DNAJC1: variants seen among roughly 807,000 people sequenced by gnomAD.
DNAJC1 encodes the protein DnaJ heat shock protein family (Hsp40) member C1, also known as dnaJ homolog subfamily C member 1.
Under a neutral mutation model 76.6 loss-of-function variants are expected in DNAJC1, and 58 were observed. That is an observed-to-expected ratio of 0.76 (90% CI 0.61 to 0.94). DNAJC1 has a LOEUF of 0.94. Ranked by LOEUF, DNAJC1 falls within the 40% of genes least tolerant of loss-of-function variation. DNAJC1 has a pLI of 0.00. For missense variants in DNAJC1, 689 were observed against 677.3 expected, an observed-to-expected ratio of 1.02 and a Z score of -0.19; for synonymous variants, 258 against 267.9, an observed-to-expected ratio of 0.96 and a Z score of 0.36.
At chr10:21,779,783 G>A (rs1364952565) in intron 9 of DNAJC1, among the ~76,000 whole-genome samples, 4 of 152,030 alleles carry the variant, frequency 2.6e-5, no homozygotes, top group South Asian at 2.1e-4. Context: ...GGCTTCAGAC[G>A]ATCAAACTTC....
At chr10:21,807,132 T>C (rs1448148250) in intron 8 of DNAJC1, among the ~76,000 whole-genome samples, 1 of 152,124 alleles carries the variant, frequency 6.6e-6, no homozygotes, top group Non-Finnish European at 1.5e-5. Context: ...TTCCTTTAAT[T>C]AAAATGAAAG....
rs751051022 is a variant in DNAJC1 at position 22,003,317 on chromosome 10, C to CCAGCAG, written c.112_117dup (p.Leu38_Leu39dup). On this transcript the variant is annotated inframe_insertion, in exon 1 of 12. Transcript: ENST00000376980. ...CAGCCGCGCGCCGGCGCCACGGCGG[C>CCAGCAG]CAGCAGCAGCAGCAGCAGCCACAGC... The CCAGCAG allele has an allele frequency of 9.3e-5, 141 of 1,517,296 alleles. No individual in the cohort carries two copies. The highest frequency in any genetic ancestry group is 1.1e-4 in the Non-Finnish European group (127 of 1,132,820). The allele number at this position is 1,517,296 out of a possible 1,614,324, so 94.0% of individuals were successfully genotyped here. A position where few individuals can be genotyped will look rare whatever the true frequency, so the allele number is the denominator to read the frequency against.
chr10:21,975,629 C>T (rs2807972), intron 1 of DNAJC1, among the ~76,000 whole-genome samples: 150,752 of 152,166 alleles, frequency 0.99, 74,727 homozygotes, highest in Middle Eastern at 1. Flanking sequence ...CTTAGTGTTT[C>T]ATACTAGCTA....
chr10:21,907,991 A>T (rs1026321396), intron 6 of DNAJC1, among the ~76,000 whole-genome samples: 2 of 115,136 alleles, frequency 1.7e-5, no homozygotes, highest in Admixed American at 2.5e-4. Context: ...TATATGAAAT[A>T]TATATGAAAT....
intron 1 of DNAJC1, among the ~76,000 whole-genome samples, chr10:21,981,391 A>C (rs1838155740): frequency 6.6e-6 from 1 of 152,206 alleles, no homozygotes; most frequent in East Asian, 1.9e-4. Context: ...TTTGCCATGG[A>C]ATTGAGAGCA....
intron 10 of DNAJC1, among the ~76,000 whole-genome samples, chr10:21,763,249 G>A (rs905019876): frequency 7.9e-5 from 12 of 152,084 alleles, no homozygotes; most frequent in Non-Finnish European, 1.3e-4. Flanking sequence ...ACTTTCAAAC[G>A]TCCTTTCTAC....
intron 8 of DNAJC1, among the ~76,000 whole-genome samples, chr10:21,822,926 G>C (rs1355664300): frequency 6.6e-6 from 1 of 150,784 alleles, no homozygotes; most frequent in Admixed American, 6.7e-5. Context: ...ACATAAACCA[G>C]GTGCACAGAA....
At chr10:21,766,226 T>C in intron 10 of DNAJC1, 35 bp downstream of exon 10, 1 of 1,496,084 alleles carries the variant, frequency 6.7e-7, no homozygotes, top group Non-Finnish European at 9.3e-7. Flanking sequence ...AAGAAACCAC[T>C]TTAGATTAAT....
At chr10:21,917,940 C>T (rs933353920) in intron 6 of DNAJC1, among the ~76,000 whole-genome samples, 1 of 151,768 alleles carries the variant, frequency 6.6e-6, no homozygotes, top group African/African-American at 2.4e-5. Context: ...GGAAAAATAG[C>T]TCTAATATAT....
chr10:21,955,069 C>T (rs1298982969), intron 1 of DNAJC1, among the ~76,000 whole-genome samples: 1 of 152,110 alleles, frequency 6.6e-6, no homozygotes, highest in African/African-American at 2.4e-5. Flanking sequence ...GTAGCATTAC[C>T]CACTCCCAGC....
chr10:21,938,721 A>G (rs1837355613), intron 1 of DNAJC1, among the ~76,000 whole-genome samples: 1 of 152,242 alleles, frequency 6.6e-6, no homozygotes, highest in African/African-American at 2.4e-5. Flanking sequence ...TGGATTGACA[A>G]TAATCTAAAA....
At position 21,918,768 on chromosome 10, in the gene DNAJC1, G is replaced by A; in HGVS notation, c.729+11C>T. The A allele has an allele frequency of 6.3e-7, 1 of 1,589,052 alleles. No individual in the cohort carries two copies. Among genetic ancestry groups the A allele is most frequent in the African/African-American group, 1.3e-5 (1 of 74,442 alleles). ...AAAGATCTAATGTTATATAAAAGAG[G>A]TACATTTTACCTGGATGAGGTGAGG... is the stretch of plus-strand genomic sequence containing the variant. On this transcript the variant is annotated intron_variant, in intron 6 of 11. Coordinates refer to ENST00000376980, the MANE Select transcript of DNAJC1 (RefSeq NM_022365.4).
At chr10:21,840,513 G>C (rs1004876009) in intron 8 of DNAJC1, among the ~76,000 whole-genome samples, 42 of 152,120 alleles carry the variant, frequency 2.8e-4, no homozygotes, top group African/African-American at 7.7e-4. Flanking sequence ...TTGCTTCAAA[G>C]AGAATAAAAT....
intron 8 of DNAJC1, among the ~76,000 whole-genome samples, chr10:21,822,236 C>T (rs1197247103): frequency 2.0e-5 from 3 of 151,948 alleles, no homozygotes; most frequent in Admixed American, 6.6e-5. Flanking sequence ...GTCAGGAGTT[C>T]GCGACCAGCC....
intron 8 of DNAJC1, among the ~76,000 whole-genome samples, chr10:21,813,214 C>CTATATA (rs1275585803): frequency 4.2e-4 from 18 of 42,664 alleles, no homozygotes; most frequent in South Asian, 9.8e-4. Flanking sequence ...CTCTCTCTCT[C>CTATATA]TCTCTCTATA....
chr10:21,833,779 TCA>T lies in DNAJC1; in HGVS notation c.979-27682_979-27681del, dbSNP rs375106115. Among the ~76,000 whole-genome samples, 24 of 152,222 alleles carry T rather than the reference TCA, an allele frequency of 1.6e-4. No homozygotes were observed. The East Asian group carries it at 4.4e-3, about 28-fold the overall frequency. On this transcript the variant is annotated intron_variant, in intron 8 of 11. Coordinates refer to ENST00000376980, the MANE Select transcript of DNAJC1 (RefSeq NM_022365.4). ...TCTTATTTATCACTGTACCACCCAC[TCA>T]CACTCTTCCACCAGCAGATAGATGG...
At chr10:21,999,257 T>C (rs1359984418) in intron 1 of DNAJC1, among the ~76,000 whole-genome samples, 1 of 152,216 alleles carries the variant, frequency 6.6e-6, no homozygotes, top group Non-Finnish European at 1.5e-5. Context: ...GTGACCGCCA[T>C]ACGGTTAATT....
chr10:21,881,516 G>A (rs1836277096), intron 8 of DNAJC1, among the ~76,000 whole-genome samples: 1 of 152,020 alleles, frequency 6.6e-6, no homozygotes, highest in South Asian at 2.1e-4. Flanking sequence ...TTTCAATACT[G>A]CTGTGCCTTA....
In DNAJC1 at chr10:21,759,191, T is replaced by G; in HGVS notation, c.1575A>C (p.Arg525Ser). Residue 525 changes from arginine to serine, a missense_variant, in exon 11 of 12, where the codon AGA becomes AGC. Arg to Ser is a moderately radical substitution (Grantham distance 110). Coordinates refer to ENST00000376980, the MANE Select transcript of DNAJC1 (RefSeq NM_022365.4). Reference sequence around the variant, plus strand: ...TCACCTTGCTCTTGGACGGGACACATCTGGCTATTTTGTCCCAGCGGTCAG... The same window carrying G: ...TCACCTTGCTCTTGGACGGGACACAGCTGGCTATTTTGTCCCAGCGGTCAG... The part of the protein sequence containing the change: ...GSSDRWDKIA[R>S]CVPSKSKEDC... 6.2e-7 allele frequency: 1 copy of G among 1,614,048 alleles called. No individual in the cohort carries two copies. Among genetic ancestry groups the G allele is most frequent in the South Asian group, 1.1e-5 (1 of 91,070 alleles).
Sources: allele counts gnomAD v4.1 joint callset (sites outside exome capture counted in the v4.1 genomes callset), GRCh38; gene constraint gnomAD v4.1.1; transcripts MANE v1.5; gene names NCBI Gene and HGNC (gene_info 2026-07-23, HGNC 2026-07-21).